The following ZDBF2 variants were observed in gnomAD, a reference collection of about 807,000 sequenced individuals.
ZDBF2 encodes DBF4-type zinc finger-containing protein 2.
In ZDBF2, 6 loss-of-function variants were observed where a neutral mutation model predicts 9.4. The ratio of observed to expected loss-of-function variants is 0.64; its 90% CI spans 0.35 to 1.27. The LOEUF is 1.27. Among genes scored for constraint, ZDBF2 ranks in the 50% most tolerant of loss-of-function variants. The pLI is 0.03. For synonymous variants in ZDBF2, 905 were observed against 946.3 expected, an observed-to-expected ratio of 0.96 and a Z score of 0.80; for missense variants, 2,697 against 2,766.8, an observed-to-expected ratio of 0.97 and a Z score of 0.57.
At position 206,307,503 on chromosome 2, in the gene ZDBF2, G is replaced by A. The variant is rs372088721; in HGVS notation, c.2975G>A (p.Ser992Asn). Residue 992 changes from serine (S) to asparagine (N), a missense_variant, in exon 5 of 5, where the codon AGT becomes AAT. Around this residue, in one of 3 missense-constraint regions of ZDBF2, gnomAD observed 1,783 missense variants for 1,776.5 expected, o/e 1.00. Coordinates refer to ENST00000374423, the MANE Select transcript of ZDBF2 (RefSeq NM_020923.3). Reference sequence around the variant, plus strand: ...AAGCACGCTGAATTCCAAGGTAGAAGTACTGAATTCAGTGGTTCAAAAACA... The same window carrying A: ...AAGCACGCTGAATTCCAAGGTAGAAATACTGAATTCAGTGGTTCAAAAACA... The part of the protein sequence containing the change: ...REKHAEFQGR[S>N]TEFSGSKTSL... The A allele has an allele frequency of 3.1e-6, 5 of 1,613,688 alleles. No individual in the cohort carries two copies. The highest frequency in any genetic ancestry group is 1.7e-6 in the Non-Finnish European group (2 of 1,179,730).
At chr2:206,297,209 T>A (rs1399521841) in intron 3 of ZDBF2, 37 bp from the exon 4 acceptor site, 1 of 898,596 alleles carries the variant, frequency 1.1e-6, no homozygotes, top group South Asian at 1.4e-5. Context: ...CTGAATACTG[T>A]CCATTTAAAA....
At position 206,310,941 on chromosome 2, in the gene ZDBF2, G is replaced by C. The variant is rs753900138; in HGVS notation, c.6413G>C (p.Arg2138Pro). 2 of 1,613,574 alleles carry C rather than the reference G, an allele frequency of 1.2e-6. No individual in the cohort carries two copies. The highest frequency in any genetic ancestry group is 1.7e-6 in the Non-Finnish European group (2 of 1,179,812). ...GAAGAATCAAAGGTTCTGCATGCTC[G>C]TGAGCTTCCAAAGAAAAGAAATTTC... ...FLEESKVLHA[R>P]ELPKKRNFQL... The change falls in exon 5 of 5, where the codon CGT becomes CCT. Residue 2138 changes from arginine (R) to proline (P), a missense_variant. Physicochemically the swap from Arg to Pro is moderately radical, Grantham distance 103. Coordinates refer to ENST00000374423, the MANE Select transcript of ZDBF2 (RefSeq NM_020923.3).
Position 206,310,643 on chromosome 2 carries a change from A to G in ZDBF2, c.6115A>G (p.Ile2039Val), listed in dbSNP as rs1326910120. ...KMRHHSWDND[I>V]RFICKYKRNI... The stretch of plus-strand genomic sequence containing the variant: ...GAGGCACCATAGTTGGGATAATGAT[A>G]TTCGGTTTATATGCAAATATAAACG... Residue 2039 changes from isoleucine to valine, a missense_variant, in exon 5 of 5, where the codon ATT (isoleucine) becomes GTT (valine). This residue lies in a region of ZDBF2 where 1,783 missense variants were observed against 1,776.5 expected (regional missense o/e 1.00). Coordinates refer to ENST00000374423, the MANE Select transcript of ZDBF2 (RefSeq NM_020923.3). 6.2e-7 allele frequency: 1 copy of G among 1,609,494 alleles called. No individual in the cohort carries two copies. The highest frequency in any genetic ancestry group is 8.5e-7 in the Non-Finnish European group (1 of 1,177,500).
intron 1 of ZDBF2, among the ~76,000 whole-genome samples, chr2:206,276,179 T>C (rs550034004): frequency 2.4e-4 from 36 of 152,314 alleles, no homozygotes; most frequent in African/African-American, 8.4e-4. Context: ...TATTGTTTTG[T>C]GAAAAATATT....
chr2:206,297,757 G>A (rs745830056), intron 4 of ZDBF2, among the ~76,000 whole-genome samples: 42 of 152,102 alleles, frequency 2.8e-4, no homozygotes, highest in Non-Finnish European at 5.0e-4. Context: ...TCAGCTCACC[G>A]CAACCTCCAC....
chr2:206,282,787 A>G (rs1446455409), intron 3 of ZDBF2, among the ~76,000 whole-genome samples: 1 of 152,238 alleles, frequency 6.6e-6, no homozygotes, highest in Non-Finnish European at 1.5e-5. Flanking sequence ...TATGTTCACA[A>G]AGTGGTACAA....
At chr2:206,299,183 A>G (rs377675044) in intron 4 of ZDBF2, among the ~76,000 whole-genome samples, 2 of 152,058 alleles carry the variant, frequency 1.3e-5, no homozygotes, top group African/African-American at 2.4e-5. Flanking sequence ...GCCCGGCCAC[A>G]TGCAACTATT....
At chr2:206,282,197 G>C (rs1691357043) in intron 3 of ZDBF2, among the ~76,000 whole-genome samples, 1 of 152,190 alleles carries the variant, frequency 6.6e-6, no homozygotes, top group Admixed American at 6.5e-5. Flanking sequence ...AATAGGGAAG[G>C]GGTAGGGTGG....
In ZDBF2 at chr2:206,309,780, A is replaced by G; in HGVS notation, c.5252A>G (p.Gln1751Arg). 1.2e-6 allele frequency: 2 copies of G among 1,613,966 alleles called. No individual in the cohort carries two copies. Among genetic ancestry groups the G allele is most frequent in the Non-Finnish European group, 1.7e-6 (2 of 1,179,880 alleles). ...CCGGATGGTTTTGAGATGAATTTTC[A>G]GTGTGCTCCCCCTCTTCCATCTGAT... ...CEPDGFEMNFQCAPPLPSDTD... is the reference protein window; with the variant it reads ...CEPDGFEMNFRCAPPLPSDTD... Residue 1751 changes from glutamine to arginine, a missense_variant, in exon 5 of 5, where the codon CAG becomes CGG. Transcript: ENST00000374423.
At chr2:206,303,529 T>C (rs1291278602) in intron 4 of ZDBF2, among the ~76,000 whole-genome samples, 8 of 152,206 alleles carry the variant, frequency 5.3e-5, no homozygotes, top group Non-Finnish European at 8.8e-5. Flanking sequence ...TGGTCAAACA[T>C]GTTGTCTTGA....
Position 206,310,706 on chromosome 2 carries a change from A to G in ZDBF2, c.6178A>G (p.Ile2060Val). 1 of 1,613,568 alleles carries G rather than the reference A, an allele frequency of 6.2e-7. No homozygotes were observed. Among genetic ancestry groups the G allele is most frequent in the Admixed American group, 1.7e-5 (1 of 59,982 alleles). The part of the protein sequence containing the change: ...FDYYEPLIKQ[I>V]VISPPLSVIV... ...TTATTATGAGCCCTTGATTAAGCAA[A>G]TTGTAATTAGTCCTCCCCTGAGTGT... The change falls in exon 5 of 5, where the codon ATT becomes GTT. Residue 2060 changes from isoleucine to valine, a missense_variant. Coordinates refer to ENST00000374423, the MANE Select transcript of ZDBF2 (RefSeq NM_020923.3).
At chr2:206,303,123 C>T (rs1692588326) in intron 4 of ZDBF2, among the ~76,000 whole-genome samples, 1 of 124,634 alleles carries the variant, frequency 8.0e-6, no homozygotes, top group South Asian at 2.6e-4. Context: ...ACTAAGATTT[C>T]CTTAGTTTTA....
In ZDBF2 at chr2:206,306,610, T is replaced by G; in HGVS notation, c.2082T>G (p.Leu694=). Residue 694 remains leucine, a synonymous_variant, in exon 5 of 5, where the codon CTT becomes CTG. Transcript: ENST00000374423. ...EIERQKVDVD[L]ENKSVQSSRS... is the part of the protein sequence containing the mutation. ...AGCGTCAGAAAGTGGATGTTGACCTTGAGAATAAGAGTGTTCAGTCTAGCC... is the reference window on the plus strand; with the variant it reads ...AGCGTCAGAAAGTGGATGTTGACCTGGAGAATAAGAGTGTTCAGTCTAGCC... The G allele has an allele frequency of 6.2e-7, 1 of 1,613,710 alleles. No individual in the cohort carries two copies. The highest frequency in any genetic ancestry group is 8.5e-7 in the Non-Finnish European group (1 of 1,179,756).
At chr2:206,282,828 C>T (rs1306626979) in intron 3 of ZDBF2, among the ~76,000 whole-genome samples, 1 of 152,160 alleles carries the variant, frequency 6.6e-6, no homozygotes, top group African/African-American at 2.4e-5. Context: ...ATTTTAATCA[C>T]CCTAAAAGGA....
At position 206,311,276 on chromosome 2, in the gene ZDBF2, A is replaced by T; in HGVS notation, c.6748A>T (p.Lys2250Ter). The T allele has an allele frequency of 1.2e-6, 2 of 1,609,304 alleles. No homozygotes were observed. The highest frequency in any genetic ancestry group is 1.7e-6 in the Non-Finnish European group (2 of 1,177,232). The change falls in exon 5 of 5, where the codon AAG becomes TAG. Residue 2250 changes from lysine (K) to a stop codon, truncating the protein, a stop_gained. Transcript: ENST00000374423. LOFTEE classifies it low-confidence loss of function (END_TRUNC). Reference protein sequence around the residue: ...SRSAFLGRYLKKKKSVVSRLK... With the variant: ...SRSAFLGRYL ...GAGCGCTTTTCTTGGAAGGTATCTG[A>T]AGAAGAAAAAATCTGTTGTCAGTAG...
intron 2 of ZDBF2, among the ~76,000 whole-genome samples, chr2:206,280,760 T>C (rs879366446): frequency 2.9e-4 from 44 of 152,280 alleles, no homozygotes; most frequent in Middle Eastern, 3.4e-3. Flanking sequence ...CCTCATCTTA[T>C]GGTTTTAAGG....
chr2:206,288,024 T>A (rs1272827850), intron 3 of ZDBF2, among the ~76,000 whole-genome samples: 3 of 152,188 alleles, frequency 2.0e-5, no homozygotes, highest in Non-Finnish European at 2.9e-5. Flanking sequence ...TTCCTTAAGA[T>A]CTTTATTTTG....
At position 206,312,413 on chromosome 2, in the gene ZDBF2, A is replaced by G. The variant is rs1693238091; in HGVS notation, c.*820A>G. 1 of 151,694 alleles carries G rather than the reference A, an allele frequency of 6.6e-6. No individual in the cohort carries two copies. Among genetic ancestry groups the G allele is most frequent in the South Asian group, 2.1e-4 (1 of 4,814 alleles). 9.4% of individuals were successfully genotyped at this position (151,694 alleles called of 1,614,324 possible). ...CATATCAGTTTTTATTTTTATGTTTATTTATTATTATTATTTTTTGAGACA... is the reference window on the plus strand; with the variant it reads ...CATATCAGTTTTTATTTTTATGTTTGTTTATTATTATTATTTTTTGAGACA... On this transcript the variant is annotated 3_prime_UTR_variant, in exon 5 of 5. Transcript: ENST00000374423.
intron 1 of ZDBF2, among the ~76,000 whole-genome samples, chr2:206,278,973 T>C (rs189561312): frequency 2.0e-5 from 3 of 152,304 alleles, no homozygotes; most frequent in South Asian, 2.1e-4. Context: ...TTAATAGTTA[T>C]TCTTTGATTA....
Sources: gnomAD v4.1 joint callset for allele counts (sites outside exome capture counted in the v4.1 genomes callset) on GRCh38, gnomAD v4.1.1 for gene constraint, gnomAD v4.1.1 regional missense constraint, MANE v1.5 for transcripts, NCBI Gene and HGNC (gene_info 2026-07-23, HGNC 2026-07-21) for gene names.